The following TPD52 variants were observed in gnomAD, a reference collection of about 807,000 sequenced individuals.
The protein encoded by TPD52 is tumor protein D52.
A neutral mutation model predicts 31.3 loss-of-function variants in TPD52; 17 were observed. The ratio of observed to expected loss-of-function variants is 0.54; its 90% CI spans 0.37 to 0.82. TPD52 has a LOEUF of 0.82. Among genes scored for constraint, TPD52 ranks in the 40% least tolerant of loss-of-function variants. The probability of loss-of-function intolerance (pLI) is 0.00; values close to 1 mark genes in which losing one functional copy is unlikely to be tolerated. For synonymous variants in TPD52, 83 were observed against 89.6 expected, an observed-to-expected ratio of 0.93 and a Z score of 0.42; for missense variants, 212 against 240.1, an observed-to-expected ratio of 0.88 and a Z score of 0.77.
intron 1 of TPD52, among the ~76,000 whole-genome samples, chr8:80,164,020 GAGAC>G (rs372391752): frequency 0.019 from 2,286 of 122,110 alleles, 55 homozygotes; most frequent in African/African-American, 0.075. Context: ...CTGTGAGAGA[GAGAC>G]AGAGAGAGAG....
chr8:80,106,779 T>A (rs1345958708), intron 1 of TPD52, among the ~76,000 whole-genome samples: 22 of 150,472 alleles, frequency 1.5e-4, no homozygotes, highest in African/African-American at 4.6e-4. Flanking sequence ...GAAGATGATA[T>A]CTGTGGCCAT....
chr8:80,121,061 G>A (rs1412803526), intron 1 of TPD52, among the ~76,000 whole-genome samples: 3 of 149,854 alleles, frequency 2.0e-5, no homozygotes, highest in East Asian at 2.0e-4. Flanking sequence ...CAGCCTGGGC[G>A]ACAGAGTGAG....
intron 1 of TPD52, among the ~76,000 whole-genome samples, chr8:80,094,889 T>C (rs1816613533): frequency 6.6e-6 from 1 of 152,062 alleles, no homozygotes; most frequent in Admixed American, 6.6e-5. Flanking sequence ...CAGAAAATGC[T>C]CTAAGTGAAG....
chr8:80,171,208 C>G, intron 1 of TPD52: 1 of 706,682 alleles, frequency 1.4e-6, no homozygotes, highest in East Asian at 2.7e-5. Context: ...CACACTCACA[C>G]TCACACATGC....
At chr8:80,106,835 AC>A (rs1220888874) in intron 1 of TPD52, among the ~76,000 whole-genome samples, 191 of 136,418 alleles carry the variant, frequency 1.4e-3, no homozygotes, top group Middle Eastern at 3.9e-3. Flanking sequence ...GCAAAAAAAA[AC>A]CCCAAAAAAA....
At chr8:80,124,172 G>GTTTT (rs11321587) in intron 1 of TPD52, among the ~76,000 whole-genome samples, 1 of 146,374 alleles carries the variant, frequency 6.8e-6, no homozygotes, top group Non-Finnish European at 1.5e-5. Flanking sequence ...CTCTCTTTTT[G>GTTTT]TTTTTTTTTT....
chr8:80,148,320 G>GTGTGTGTA (rs1056770960), intron 1 of TPD52, among the ~76,000 whole-genome samples: 7 of 148,896 alleles, frequency 4.7e-5, no homozygotes, highest in African/African-American at 1.7e-4. Context: ...CTGGCTAAGT[G>GTGTGTGTA]TGTGTGTGTG....
chr8:80,032,305 C>A (rs1211776686), downstream of TPD52, among the ~76,000 whole-genome samples: 1 of 152,146 alleles, frequency 6.6e-6, no homozygotes, highest in Non-Finnish European at 1.5e-5. Context: ...GCATAACTTT[C>A]TCCTTGCCTA....
At chr8:80,080,374 A>C (rs908287572) in intron 1 of TPD52, 1 of 1,614,214 alleles carries the variant, frequency 6.2e-7, no homozygotes, top group Non-Finnish European at 8.5e-7. Context: ...AGACAAGTAG[A>C]GATAGCTTTT....
At chr8:80,113,727 C>T (rs1807666262) in intron 1 of TPD52, among the ~76,000 whole-genome samples, 1 of 152,066 alleles carries the variant, frequency 6.6e-6, no homozygotes, top group African/African-American at 2.4e-5. Context: ...AAAAATGTGG[C>T]CTCATGGAAG....
rs530150752 is a variant in TPD52 at position 80,037,795 on chromosome 8, G to A, written c.*321C>T. ...GTCAAACTGGCATTCCAGATCTGGA[G>A]CAATTTTGTAAAGCAGGAAAACAAC... is the stretch of plus-strand genomic sequence containing the variant. On this transcript the variant is annotated 3_prime_UTR_variant, in exon 8 of 8. Transcript: ENST00000518937. The A allele has an allele frequency of 3.0e-5, 6 of 199,456 alleles. No individual in the cohort carries two copies. In the East Asian group the frequency reaches 6.9e-4, roughly 23 times the overall value. The allele number at this position is 199,456 out of a possible 1,614,324, so 12.4% of individuals were successfully genotyped here.
At chr8:80,042,320 C>T in intron 7 of TPD52, 2 of 985,240 alleles carry the variant, frequency 2.0e-6, no homozygotes, top group Non-Finnish European at 2.4e-6. Flanking sequence ...AAATTTTGTC[C>T]ACCTACAAAG....
chr8:80,057,378 T>G (rs1354979685), intron 2 of TPD52, among the ~76,000 whole-genome samples: 1 of 152,194 alleles, frequency 6.6e-6, no homozygotes, highest in Non-Finnish European at 1.5e-5. Flanking sequence ...AAAAAACACC[T>G]GCACTCATAT....
At chr8:80,038,939 A>G (rs1243843562) in intron 7 of TPD52, among the ~76,000 whole-genome samples, 1 of 152,230 alleles carries the variant, frequency 6.6e-6, no homozygotes, top group Non-Finnish European at 1.5e-5. Context: ...CATTTGTATA[A>G]TACTTTTTCA....
At chr8:80,141,050 G>A (rs914325947) in intron 1 of TPD52, among the ~76,000 whole-genome samples, 7 of 151,626 alleles carry the variant, frequency 4.6e-5, no homozygotes, top group Admixed American at 3.9e-4. Flanking sequence ...TTAGCAACAC[G>A]TGGATCATCT....
chr8:80,109,560 C>T (rs903819583), intron 1 of TPD52, among the ~76,000 whole-genome samples: 2 of 152,104 alleles, frequency 1.3e-5, no homozygotes, highest in Non-Finnish European at 2.9e-5. Context: ...GCACCTGCCA[C>T]CATGCCTGGC....
At chr8:80,155,267 G>GC (rs1286950818) in intron 1 of TPD52, among the ~76,000 whole-genome samples, 3 of 152,126 alleles carry the variant, frequency 2.0e-5, no homozygotes, top group Non-Finnish European at 4.4e-5. Context: ...CCACTGACTG[G>GC]CCGTTCCTCC....
At chr8:80,141,914 A>T (rs963345626) in intron 1 of TPD52, among the ~76,000 whole-genome samples, 38 of 130,946 alleles carry the variant, frequency 2.9e-4, no homozygotes, top group African/African-American at 9.6e-4. Context: ...TGGCTCAAAA[A>T]AACAATAAAA....
At chr8:80,103,920 T>G (rs1368151880) in intron 1 of TPD52, among the ~76,000 whole-genome samples, 1 of 152,202 alleles carries the variant, frequency 6.6e-6, no homozygotes, top group African/African-American at 2.4e-5. Context: ...ATAGTGTGAC[T>G]GGTCCCCTAC....
Sources: allele counts gnomAD v4.1 joint callset (sites outside exome capture counted in the v4.1 genomes callset), GRCh38; gene constraint gnomAD v4.1.1; transcripts MANE v1.5; gene names NCBI Gene and HGNC (gene_info 2026-07-23, HGNC 2026-07-21).